FOXP1: variants seen among roughly 807,000 people sequenced by gnomAD.
FOXP1 encodes forkhead box P1, also known as forkhead box protein P1.
A neutral mutation model predicts 98.2 loss-of-function variants in FOXP1; 15 were observed. The observed-to-expected ratio is 0.15, with a 90% CI of 0.10 to 0.24. The LOEUF (loss-of-function observed/expected upper bound fraction) is 0.24, where lower values mean the gene tolerates loss of function less well. FOXP1 is among the 10% of genes least tolerant of loss of function. The pLI is 1.00. For missense variants in FOXP1, 633 were observed against 848.5 expected, an observed-to-expected ratio of 0.75 and a Z score of 3.15; for synonymous variants, 371 against 314.5, an observed-to-expected ratio of 1.18 and a Z score of -1.90.
chr3:71,051,111 G>A (rs1382215670), intron 9 of FOXP1, among the ~76,000 whole-genome samples: 1 of 152,170 alleles, frequency 6.6e-6, no homozygotes, highest in Admixed American at 6.5e-5. Context: ...GCAAAACAAA[G>A]CTGAGAGCCT....
At chr3:71,556,481 G>A (rs1030953952) in intron 2 of FOXP1, among the ~76,000 whole-genome samples, 2 of 150,126 alleles carry the variant, frequency 1.3e-5, no homozygotes, top group African/African-American at 2.5e-5. Flanking sequence ...GGAGGCTGAG[G>A]CAGGAGAATC....
rs188313567 is a variant in FOXP1, at chr3:70,978,131, T to C, written c.1147-102A>G. The C allele has an allele frequency of 3.3e-3, 2,936 of 897,050 alleles. 9 individuals are homozygous for C. Among genetic ancestry groups the C allele is most frequent in the Non-Finnish European group, 4.8e-3 (2,617 of 547,436 alleles). The allele number at this position is 897,050 out of a possible 1,614,324, so 55.6% of individuals were successfully genotyped here. On this transcript the variant is annotated intron_variant, in intron 14 of 20. Transcript: ENST00000649528. ...ACACAGAGGATGCGTGGGCACCGTTTCTTCCTCTATGTAGATGGTATGTTT... is the reference window on the plus strand; with the variant it reads ...ACACAGAGGATGCGTGGGCACCGTTCCTTCCTCTATGTAGATGGTATGTTT...
chr3:71,409,596 A>C (rs578009338), intron 3 of FOXP1, among the ~76,000 whole-genome samples: 1 of 152,260 alleles, frequency 6.6e-6, no homozygotes, highest in East Asian at 1.9e-4. Flanking sequence ...TTTGGAAAAA[A>C]AAAAAAGAGA....
At chr3:71,250,978 T>A (rs1277833846) in intron 5 of FOXP1, among the ~76,000 whole-genome samples, 1 of 152,206 alleles carries the variant, frequency 6.6e-6, no homozygotes, top group East Asian at 1.9e-4. Context: ...ATGACTTTTT[T>A]AAAAATTCCA....
At chr3:71,066,559 T>C (rs572211503) in intron 7 of FOXP1, among the ~76,000 whole-genome samples, 1 of 152,348 alleles carries the variant, frequency 6.6e-6, no homozygotes, top group South Asian at 2.1e-4. Context: ...AAAGGTGCTC[T>C]TTCCGGAGGG....
intron 3 of FOXP1, among the ~76,000 whole-genome samples, chr3:71,446,755 G>A (rs897615587): frequency 1.3e-5 from 2 of 152,206 alleles, no homozygotes; most frequent in African/African-American, 4.8e-5. Context: ...ACAGCTTCCA[G>A]CAGGTTTAAA....
At chr3:71,217,039 G>A (rs187811570) in intron 5 of FOXP1, among the ~76,000 whole-genome samples, 5 of 152,176 alleles carry the variant, frequency 3.3e-5, no homozygotes, top group Admixed American at 6.5e-5. Flanking sequence ...AAAAGAATTT[G>A]TTCTATTTTT....
At chr3:71,492,235 T>G (rs1235138065) in intron 3 of FOXP1, among the ~76,000 whole-genome samples, 1 of 152,122 alleles carries the variant, frequency 6.6e-6, no homozygotes, top group Non-Finnish European at 1.5e-5. Flanking sequence ...GCGGATCACC[T>G]GAGGTCAGGA....
intron 2 of FOXP1, among the ~76,000 whole-genome samples, chr3:71,547,443 G>A (rs907371182): frequency 2.6e-5 from 4 of 152,156 alleles, no homozygotes; most frequent in East Asian, 1.9e-4. Context: ...CCTCTAGGGC[G>A]AGGCCCAGAT....
At chr3:71,512,877 A>T (rs531121875) in intron 2 of FOXP1, among the ~76,000 whole-genome samples, 134 of 152,252 alleles carry the variant, frequency 8.8e-4, no homozygotes, top group Non-Finnish European at 1.1e-3. Context: ...GGTACACAGA[A>T]CCAGCACGCC....
chr3:71,323,883 T>C (rs1413400930), intron 4 of FOXP1, among the ~76,000 whole-genome samples: 1 of 152,216 alleles, frequency 6.6e-6, no homozygotes, highest in Non-Finnish European at 1.5e-5. Flanking sequence ...ACAGGGATCC[T>C]GTCCCAGCAC....
intron 11 of FOXP1, among the ~76,000 whole-genome samples, chr3:71,037,280 GT>G (rs2047719019): frequency 6.6e-6 from 1 of 152,156 alleles, no homozygotes; most frequent in Non-Finnish European, 1.5e-5. Context: ...TACTTAAGTA[GT>G]AATTGCTATT....
intron 11 of FOXP1, among the ~76,000 whole-genome samples, chr3:71,033,474 GAA>G (rs2106713585): frequency 6.6e-6 from 1 of 152,102 alleles, no homozygotes; most frequent in African/African-American, 2.4e-5. Flanking sequence ...ACAATAAATA[GAA>G]AGAGATTTAT....
At chr3:70,978,140 A>T in intron 14 of FOXP1, 111 bp from the exon 15 acceptor site, 1 of 832,780 alleles carries the variant, frequency 1.2e-6, no homozygotes, top group Non-Finnish European at 2.0e-6. Flanking sequence ...TTCTTCCTCT[A>T]TGTAGATGGT....
At chr3:71,102,062 A>G (rs2107671866) in intron 7 of FOXP1, among the ~76,000 whole-genome samples, 1 of 152,246 alleles carries the variant, frequency 6.6e-6, no homozygotes, top group South Asian at 2.1e-4. Context: ...AGTCCCTGTA[A>G]TTTACCGGGC....
At chr3:71,501,777 C>T (rs958257552) in intron 2 of FOXP1, among the ~76,000 whole-genome samples, 1 of 152,180 alleles carries the variant, frequency 6.6e-6, no homozygotes, top group Admixed American at 6.5e-5. Context: ...TGCACACAAT[C>T]CACCTTCACG....
chr3:71,414,887 T>C (rs2083091580), intron 3 of FOXP1, among the ~76,000 whole-genome samples: 1 of 152,244 alleles, frequency 6.6e-6, no homozygotes, highest in Admixed American at 6.5e-5. Flanking sequence ...GGGTTTAGTA[T>C]TCAAATCCTG....
At chr3:71,302,146 A>G (rs191627331) in intron 4 of FOXP1, among the ~76,000 whole-genome samples, 4 of 152,338 alleles carry the variant, frequency 2.6e-5, no homozygotes, top group East Asian at 3.9e-4. Flanking sequence ...TAGAGAAGGT[A>G]TAACATTAAC....
chr3:71,230,135 T>A (rs556510919), intron 5 of FOXP1, among the ~76,000 whole-genome samples: 1 of 151,798 alleles, frequency 6.6e-6, no homozygotes, highest in African/African-American at 2.4e-5. Flanking sequence ...GGGTGGGGGA[T>A]AAAGGAGAAA....
Sources: gnomAD v4.1 joint callset for allele counts (sites outside exome capture counted in the v4.1 genomes callset) on GRCh38, gnomAD v4.1.1 for gene constraint, MANE v1.5 for transcripts, NCBI Gene and HGNC (gene_info 2026-07-23, HGNC 2026-07-21) for gene names.